The following DACH2 variants were observed in gnomAD, a reference collection of about 807,000 sequenced individuals.
DACH2 encodes dachshund family transcription factor 2.
A neutral mutation model predicts 35.8 loss-of-function variants in DACH2; 17 were observed. The ratio of observed to expected loss-of-function variants is 0.48; its 90% CI spans 0.33 to 0.71. The LOEUF (loss-of-function observed/expected upper bound fraction) is 0.71. DACH2 is among the 30% of genes least tolerant of loss of function. DACH2 has a pLI of 0.02. For missense variants in DACH2, 469 were observed against 472.7 expected (o/e 0.99, Z 0.07); for synonymous variants, 195 against 177.3 (o/e 1.10, Z -0.79).
chrX:86,714,172 C>G (rs972656434), intron 5 of DACH2, among the ~76,000 whole-genome samples: 4 of 111,690 alleles, frequency 3.6e-5, no homozygotes, highest in African/African-American at 1.3e-4. Flanking sequence ...CAACTATCAA[C>G]ACATCAATGC....
chrX:86,398,726 C>T (rs1602476317), intron 2 of DACH2, among the ~76,000 whole-genome samples: 1 of 112,020 alleles, frequency 8.9e-6, no homozygotes, highest in Non-Finnish European at 1.9e-5. Context: ...ATCCTGAGTT[C>T]TAGTTTGATT....
intron 4 of DACH2, among the ~76,000 whole-genome samples, chrX:86,686,668 TG>T (rs1243647348): frequency 8.9e-6 from 1 of 112,123 alleles, no homozygotes; most frequent in Admixed American, 9.5e-5. Flanking sequence ...AAATAATATC[TG>T]GCAAAACCCC....
intron 1 of DACH2, among the ~76,000 whole-genome samples, chrX:86,301,951 A>G (rs760038264): frequency 8.1e-5 from 9 of 111,107 alleles, no homozygotes; most frequent in Non-Finnish European, 1.7e-4. Context: ...AAGCCTTAAA[A>G]TAAATAAGGA....
At chrX:86,244,741 T>G (rs2033242997) in intron 1 of DACH2, among the ~76,000 whole-genome samples, 1 of 112,339 alleles carries the variant, frequency 8.9e-6, no homozygotes, top group Non-Finnish European at 1.9e-5. Context: ...GTTACTACCT[T>G]AAATATTTAT....
chrX:86,412,247 ATGT>A (rs1295681643), intron 2 of DACH2, among the ~76,000 whole-genome samples: 1 of 111,404 alleles, frequency 9.0e-6, no homozygotes, highest in Non-Finnish European at 1.9e-5. Flanking sequence ...GGAGAATGTA[ATGT>A]TGTGGGAACG....
chrX:86,204,176 T>G lies in DACH2; in HGVS notation c.488+55068T>G, dbSNP rs148135575. Among the ~76,000 whole-genome samples, 308 of 111,997 alleles carry G rather than the reference T, an allele frequency of 2.8e-3. 5 individuals are homozygous for G. The highest frequency in any genetic ancestry group is 9.6e-3 in the African/African-American group (296 of 30,911). ...AGAATGCATATCTTGCAGCAAAATA[T>G]AAGCTCCAAGAGGGCAAGATCTTTG... On this transcript the variant is annotated intron_variant, in intron 1 of 11. Coordinates refer to ENST00000373125, the MANE Select transcript of DACH2 (RefSeq NM_053281.3).
intron 3 of DACH2, among the ~76,000 whole-genome samples, chrX:86,618,394 A>G (rs187278388): frequency 3.6e-5 from 4 of 112,353 alleles, no homozygotes; most frequent in African/African-American, 1.3e-4. Context: ...AAGAGTCACA[A>G]TTTTATAAAA....
chrX:86,531,933 C>T (rs914287651), intron 3 of DACH2, among the ~76,000 whole-genome samples: 17 of 113,008 alleles, frequency 1.5e-4, no homozygotes, highest in African/African-American at 4.8e-4. Flanking sequence ...TGGGAGTCCA[C>T]CCCTTGCATC....
intron 1 of DACH2, among the ~76,000 whole-genome samples, chrX:86,230,875 T>A (rs781631390): frequency 8.9e-6 from 1 of 112,319 alleles, no homozygotes; most frequent in African/African-American, 3.2e-5. Flanking sequence ...TTTTCTCTCT[T>A]TTTTCCTTAG....
At chrX:86,816,803 G>T (rs1429685471) in intron 11 of DACH2, among the ~76,000 whole-genome samples, 1 of 111,904 alleles carries the variant, frequency 8.9e-6, no homozygotes, top group Non-Finnish European at 1.9e-5. Flanking sequence ...TGCACTTCTA[G>T]ACCTTTGCAT....
At chrX:86,817,639 T>G (rs1300466168) in intron 11 of DACH2, among the ~76,000 whole-genome samples, 2 of 111,811 alleles carry the variant, frequency 1.8e-5, no homozygotes, top group African/African-American at 3.2e-5. Context: ...TTTGTTTAAT[T>G]TATATGATAC....
At chrX:86,235,027 A>C (rs2033028333) in intron 1 of DACH2, among the ~76,000 whole-genome samples, 1 of 111,523 alleles carries the variant, frequency 9.0e-6, no homozygotes, top group Non-Finnish European at 1.9e-5. Flanking sequence ...CATTCCATTT[A>C]GTTGTCATGT....
At chrX:86,163,260 T>C (rs952991875) in intron 1 of DACH2, among the ~76,000 whole-genome samples, 2 of 110,818 alleles carry the variant, frequency 1.8e-5, no homozygotes, top group African/African-American at 6.6e-5. Flanking sequence ...TTCAATTGTT[T>C]TGATTTTAAG....
intron 1 of DACH2, among the ~76,000 whole-genome samples, chrX:86,269,680 A>T (rs1352690373): frequency 9.0e-6 from 1 of 111,465 alleles, no homozygotes; most frequent in African/African-American, 3.3e-5. Context: ...ACAATTGACT[A>T]GGTACATTAT....
At chrX:86,765,602 G>A (rs1013818359) in intron 7 of DACH2, among the ~76,000 whole-genome samples, 1 of 107,047 alleles carries the variant, frequency 9.3e-6, no homozygotes, top group East Asian at 2.9e-4. Context: ...TGTATATTTT[G>A]TGCCAATACC....
intron 5 of DACH2, among the ~76,000 whole-genome samples, chrX:86,697,394 C>A (rs1291964992): frequency 1.8e-5 from 2 of 110,862 alleles, no homozygotes; most frequent in Admixed American, 9.7e-5. Flanking sequence ...TAACTCCCAG[C>A]CAGATCAGCA....
intron 2 of DACH2, among the ~76,000 whole-genome samples, chrX:86,440,326 C>G (rs868680945): frequency 3.6e-5 from 4 of 110,969 alleles, no homozygotes; most frequent in African/African-American, 1.3e-4. Flanking sequence ...TTGTCTGTGT[C>G]TTTTTGGAAA....
At chrX:86,498,827 A>G (rs770896526) in intron 2 of DACH2, among the ~76,000 whole-genome samples, 102 of 111,881 alleles carry the variant, frequency 9.1e-4, no homozygotes, top group African/African-American at 3.1e-3. Flanking sequence ...GTTGAATAGC[A>G]TTTCTCTCAA....
intron 3 of DACH2, among the ~76,000 whole-genome samples, chrX:86,546,700 G>C (rs111634599): frequency 0.04 from 4,235 of 105,839 alleles, 251 homozygotes; most frequent in African/African-American, 0.14. Context: ...ATTTTTAGTA[G>C]AGAAGGGGTT....
Sources: gnomAD v4.1 joint callset for allele counts (sites outside exome capture counted in the v4.1 genomes callset) on GRCh38, gnomAD v4.1.1 for gene constraint, MANE v1.5 for transcripts, NCBI Gene and HGNC (gene_info 2026-07-23, HGNC 2026-07-21) for gene names.